UNK: variants seen among roughly 807,000 people sequenced by gnomAD.
UNK encodes the protein RING finger protein unkempt homolog.
Under a neutral mutation model 97.6 loss-of-function variants are expected in UNK, and 32 were observed. The ratio of observed to expected loss-of-function variants is 0.33; its 90% CI spans 0.25 to 0.44. The LOEUF is 0.44. UNK is among the 20% of genes least tolerant of loss of function. UNK has a pLI of 1.00. For missense variants in UNK, 771 were observed against 1,098.4 expected (o/e 0.70, Z 4.21); for synonymous variants, 441 against 461.2 (o/e 0.96, Z 0.56).
intron 1 of UNK, among the ~76,000 whole-genome samples, chr17:75,788,506 T>C (rs558612416): frequency 3.3e-5 from 5 of 152,080 alleles, no homozygotes; most frequent in African/African-American, 1.2e-4. Context: ...CTTTTTAAAC[T>C]TTTATTTATT....
In UNK at chr17:75,812,092, C is replaced by A; in HGVS notation, c.315-20C>A. ...GGCTGCAGGCAGCAAAGTTGAGTGACCCCCACTACCGTGTTCCAGGTGCCC... is the reference window on the plus strand; with the variant it reads ...GGCTGCAGGCAGCAAAGTTGAGTGAACCCCACTACCGTGTTCCAGGTGCCC... On this transcript the variant is annotated intron_variant, in intron 2 of 15. Coordinates refer to ENST00000589666, the MANE Select transcript of UNK (RefSeq NM_001080419.3). 6.4e-7 allele frequency: 1 copy of A among 1,569,202 alleles called. No individual in the cohort carries two copies. The highest frequency in any genetic ancestry group is 8.7e-7 in the Non-Finnish European group (1 of 1,153,170).
At chr17:75,814,384 C>T (rs943131026) in intron 6 of UNK, among the ~76,000 whole-genome samples, 5 of 142,996 alleles carry the variant, frequency 3.5e-5, no homozygotes, top group Admixed American at 7.7e-5. Context: ...CCCAGCTACT[C>T]GGGAGGCTGA....
At chr17:75,789,882 T>C in intron 1 of UNK, among the ~76,000 whole-genome samples, 1 of 151,972 alleles carries the variant, frequency 6.6e-6, no homozygotes, top group Non-Finnish European at 1.5e-5. Flanking sequence ...GTAGCTCACA[T>C]CTGTAATCCC....
intron 7 of UNK, among the ~76,000 whole-genome samples, chr17:75,815,471 G>A (rs1245388043): frequency 1.3e-5 from 2 of 152,230 alleles, no homozygotes; most frequent in African/African-American, 4.8e-5. Flanking sequence ...GATAGAGACT[G>A]CAGGGATTGT....
rs371296829 is a variant in UNK, at chr17:75,784,828, C to A, written c.-53C>A. On this transcript the variant is annotated 5_prime_UTR_variant, in exon 1 of 16. Coordinates refer to ENST00000589666, the MANE Select transcript of UNK (RefSeq NM_001080419.3). ...GGCGCACTGGGTCCTCGGCGCGGAC[C>A]GCGCAGACTGAATAATAAAAGGGGA... 1.1e-5 allele frequency: 17 copies of A among 1,577,378 alleles called. No individual in the cohort carries two copies. The highest frequency in any genetic ancestry group is 1.5e-5 in the Non-Finnish European group (17 of 1,148,292).
intron 1 of UNK, chr17:75,792,325 C>A (rs1159073611): frequency 1.0e-6 from 1 of 985,080 alleles, no homozygotes; most frequent in African/African-American, 1.8e-5. Flanking sequence ...ATGGTTGATA[C>A]TAAAGGAGGT....
Position 75,824,458 on chromosome 17 carries a change from T to C in UNK, c.*41T>C. ...CCAGCCTGGCCCAGATCTTCTCACC[T>C]AGGACTTTTTAAAGTATATATATAT... On this transcript the variant is annotated 3_prime_UTR_variant, in exon 16 of 16. Transcript: ENST00000589666. This position sits in a 1 kb window ranked among gnomAD's most constrained non-coding sequence, Gnocchi z 4.9. 4 of 1,347,754 alleles carry C rather than the reference T, an allele frequency of 3.0e-6. No homozygotes were observed. Among genetic ancestry groups the C allele is most frequent in the Non-Finnish European group, 3.8e-6 (4 of 1,047,930 alleles). The allele number at this position is 1,347,754 out of a possible 1,614,324, so 83.5% of individuals were successfully genotyped here.
chr17:75,820,014 C>G lies in UNK; in HGVS notation c.1743C>G (p.Val581=), dbSNP rs1404524883. The G allele has an allele frequency of 6.2e-7, 1 of 1,613,936 alleles. No homozygotes were observed. Among genetic ancestry groups the G allele is most frequent in the Admixed American group, 1.7e-5 (1 of 60,020 alleles). Residue 581 remains valine (V), a synonymous_variant, in exon 13 of 16, where the codon GTC becomes GTG. Transcript: ENST00000589666. ...ACTCAGCATCCCCGTCCCCTCCCGT[C>G]AGCCTCTCCTCGCATTTCCTGCAGC... is the stretch of plus-strand genomic sequence containing the variant. ...SFHSASPSPP[V]SLSSHFLQQP... is the part of the protein sequence containing the mutation.
intron 1 of UNK, among the ~76,000 whole-genome samples, chr17:75,802,540 G>C (rs908768905): frequency 4.6e-5 from 7 of 152,082 alleles, no homozygotes; most frequent in African/African-American, 1.7e-4. Context: ...ACGGGGATGA[G>C]CCACTGCATG....
chr17:75,810,087 A>T (rs1395595912), intron 2 of UNK, 118 bp downstream of exon 2: 2 of 1,279,426 alleles, frequency 1.6e-6, no homozygotes, highest in African/African-American at 2.9e-5. Flanking sequence ...AGCCCAGCCC[A>T]TGGCCCGAGC....
Position 75,785,160 on chromosome 17 carries a change from C to T in UNK, c.104+176C>T, listed in dbSNP as rs1003367724. On this transcript the variant is annotated intron_variant, in intron 1 of 15. Transcript: ENST00000589666. ...GGTCCCAACTGCCTCCAACTGCCACCAACCTCTGGTCGGGCTGTGGGGCGG... is the reference window on the plus strand; with the variant it reads ...GGTCCCAACTGCCTCCAACTGCCACTAACCTCTGGTCGGGCTGTGGGGCGG... 10 of 526,936 alleles carry T rather than the reference C, an allele frequency of 1.9e-5. No homozygotes were observed. In the African/African-American group the frequency reaches 2.0e-4, roughly 11 times the overall value. 32.6% of individuals were successfully genotyped at this position (526,936 alleles called of 1,614,324 possible).
Position 75,819,172 on chromosome 17 carries a change from T to C in UNK, c.1546+356T>C, listed in dbSNP as rs2062043553. 2 of 254,940 alleles carry C rather than the reference T, an allele frequency of 7.8e-6. No homozygotes were observed. Among genetic ancestry groups the C allele is most frequent in the Non-Finnish European group, 1.5e-5 (2 of 135,184 alleles). 15.8% of individuals were successfully genotyped at this position (254,940 alleles called of 1,614,324 possible). A position where few individuals can be genotyped will look rare whatever the true frequency, so the allele number is the denominator to read the frequency against. On this transcript the variant is annotated intron_variant, in intron 11 of 15. Coordinates refer to ENST00000589666, the MANE Select transcript of UNK (RefSeq NM_001080419.3). The surrounding 1 kb of genome is among the most constrained non-coding windows in gnomAD (Gnocchi z 5.4). ...AATCCCTGGTGCTAGAAGTTGGTGC[T>C]CCTTTCTTTCAGTACTCATTTCTAG... is the stretch of plus-strand genomic sequence containing the variant.
chr17:75,804,454 A>AAAAAAT (rs773129031), intron 1 of UNK, among the ~76,000 whole-genome samples: 25 of 151,378 alleles, frequency 1.7e-4, no homozygotes, highest in Non-Finnish European at 2.1e-4. Context: ...GACTCCATCT[A>AAAAAAT]AAAAATAAAA....
At chr17:75,815,958 CAT>C (rs2062012747) in intron 7 of UNK, among the ~76,000 whole-genome samples, 1 of 149,036 alleles carries the variant, frequency 6.7e-6, no homozygotes, top group African/African-American at 2.5e-5. Flanking sequence ...ATTTTAATAA[CAT>C]ATTTGTATTT....
In UNK at chr17:75,817,276, C is replaced by T. The variant is rs570224422; in HGVS notation, c.1105-50C>T. The T allele has an allele frequency of 7.8e-4, 1,175 of 1,501,012 alleles. 9 individuals carry two copies. The highest frequency in any genetic ancestry group is 5.5e-3 in the East Asian group (239 of 43,688). The allele number at this position is 1,501,012 out of a possible 1,614,324, so 93.0% of individuals were successfully genotyped here. A position where few individuals can be genotyped will look rare whatever the true frequency, so the allele number is the denominator to read the frequency against. ...GAGAGGGTGGAGGATGGGCCACGCACCAGCCTGCGCTGTGCCCACGGGCCC... is the reference window on the plus strand; with the variant it reads ...GAGAGGGTGGAGGATGGGCCACGCATCAGCCTGCGCTGTGCCCACGGGCCC... On this transcript the variant is annotated intron_variant, in intron 8 of 15. Transcript: ENST00000589666. This position sits in a 1 kb window ranked among gnomAD's most constrained non-coding sequence, Gnocchi z 5.8.
Position 75,819,670 on chromosome 17 carries a change from TTC to T in UNK, c.1547-10_1547-9del. ...TCCCTCGGGAGGTCACATCCCACTCTTCTCTGTCCCTAGAGTCTGCTTTGGAT... is the reference window on the plus strand; with the variant it reads ...TCCCTCGGGAGGTCACATCCCACTCTTCTGTCCCTAGAGTCTGCTTTGGAT... On this transcript the variant is annotated splice_polypyrimidine_tract_variant and intron_variant, in intron 11 of 15. Coordinates refer to ENST00000589666, the MANE Select transcript of UNK (RefSeq NM_001080419.3). The surrounding 1 kb of genome is among the most constrained non-coding windows in gnomAD (Gnocchi z 5.4). 6 of 1,613,598 alleles carry T rather than the reference TTC, an allele frequency of 3.7e-6. No individual in the cohort carries two copies. The highest frequency in any genetic ancestry group is 5.1e-6 in the Non-Finnish European group (6 of 1,179,694).
At position 75,818,942 on chromosome 17, in the gene UNK, G is replaced by A; in HGVS notation, c.1546+126G>A. 1.7e-6 allele frequency: 2 copies of A among 1,158,142 alleles called. No homozygotes were observed. The highest frequency in any genetic ancestry group is 1.2e-6 in the Non-Finnish European group (1 of 849,690). The allele number at this position is 1,158,142 out of a possible 1,614,324, so 71.7% of individuals were successfully genotyped here. A position where few individuals can be genotyped will look rare whatever the true frequency, so the allele number is the denominator to read the frequency against. Reference sequence around the variant, plus strand: ...GACATCTGTCTTCGGAAAATCAGGGGATGGGCACTCTGAGTCCTTTGAGCT... The same window carrying A: ...GACATCTGTCTTCGGAAAATCAGGGAATGGGCACTCTGAGTCCTTTGAGCT... On this transcript the variant is annotated intron_variant, in intron 11 of 15. Coordinates refer to ENST00000589666, the MANE Select transcript of UNK (RefSeq NM_001080419.3). This position sits in a 1 kb window ranked among gnomAD's most constrained non-coding sequence, Gnocchi z 5.1.
intron 6 of UNK, among the ~76,000 whole-genome samples, chr17:75,814,385 G>A (rs1038763529): frequency 4.0e-5 from 6 of 151,514 alleles, no homozygotes; most frequent in African/African-American, 1.2e-4. Flanking sequence ...CCAGCTACTC[G>A]GGAGGCTGAG....
At chr17:75,806,782 A>G (rs925732162) in intron 1 of UNK, among the ~76,000 whole-genome samples, 2 of 152,138 alleles carry the variant, frequency 1.3e-5, no homozygotes, top group Admixed American at 1.3e-4. Context: ...CAAAAAAATA[A>G]TAATAATAGT....
Sources: gnomAD v4.1 joint callset for allele counts (sites outside exome capture counted in the v4.1 genomes callset) on GRCh38, gnomAD v4.1.1 for gene constraint, Gnocchi (gnomAD v3.1) non-coding constraint, MANE v1.5 for transcripts, NCBI Gene and HGNC (gene_info 2026-07-23, HGNC 2026-07-21) for gene names.